SRGAP3: variants seen among roughly 807,000 people sequenced by gnomAD.
SRGAP3 encodes SLIT-ROBO Rho GTPase activating protein 3, also known as SLIT-ROBO Rho GTPase-activating protein 3.
In SRGAP3, 39 loss-of-function variants were observed where a neutral mutation model predicts 121.1. That is an observed-to-expected ratio of 0.32 (90% CI 0.25 to 0.42). The LOEUF is 0.42. Among genes scored for constraint, SRGAP3 ranks in the 10% least tolerant of loss-of-function variants. The pLI, the probability that SRGAP3 is intolerant of heterozygous loss-of-function variation, is 1.00. For synonymous variants in SRGAP3, 601 were observed against 570.0 expected (o/e 1.05, Z -0.77); for missense variants, 1,213 against 1,470.6 (o/e 0.82, Z 2.86).
intron 10 of SRGAP3, among the ~76,000 whole-genome samples, chr3:9,041,958 G>A (rs1945031501): frequency 1.3e-5 from 2 of 151,994 alleles, no homozygotes; most frequent in Non-Finnish European, 2.9e-5. Flanking sequence ...AAAATCAGCT[G>A]GGCGTGGTGG....
In SRGAP3 at chr3:9,107,481, T is replaced by C. The variant is rs575435439; in HGVS notation, c.261-2639A>G. ...GGGCCTGGACGCTTTTCCCTCTGCC[T>C]GGAATACCACAGTCCCTGCTCTTCT... is the stretch of plus-strand genomic sequence containing the variant. On this transcript the variant is annotated intron_variant, in intron 2 of 21. Transcript: ENST00000383836. 2.0e-4 allele frequency among the ~76,000 whole-genome samples: 31 copies of C among 152,340 alleles called. No individual in the cohort carries two copies. In the South Asian group the frequency reaches 5.2e-3, roughly 25 times the overall value.
intron 3 of SRGAP3, chr3:9,292,591 A>C (rs559058583): frequency 2.8e-4 from 43 of 152,280 alleles, no homozygotes; most frequent in African/African-American, 1.0e-3. Context: ...AGTAATAATT[A>C]ATTCATTTTC....
intron 9 of SRGAP3, among the ~76,000 whole-genome samples, chr3:9,048,826 C>T (rs1945413870): frequency 1.3e-5 from 2 of 151,748 alleles, no homozygotes; most frequent in South Asian, 2.1e-4. Flanking sequence ...CCTATCTCCA[C>T]AAAAAAATAA....
intron 1 of SRGAP3, 169 bp from the exon 2 acceptor site, chr3:9,125,086 A>C: frequency 1.3e-6 from 1 of 743,362 alleles, no homozygotes; most frequent in Non-Finnish European, 2.2e-6. Context: ...GAGCATTGGC[A>C]CAAAGATTTC....
intron 2 of SRGAP3, among the ~76,000 whole-genome samples, chr3:9,113,559 G>A (rs1948704620): frequency 6.6e-6 from 1 of 152,150 alleles, no homozygotes; most frequent in South Asian, 2.1e-4. Flanking sequence ...CTGGAGTTTA[G>A]GACATCAGCA....
intron 1 of SRGAP3, among the ~76,000 whole-genome samples, chr3:9,134,007 A>C (rs1949553278): frequency 6.6e-6 from 1 of 152,214 alleles, no homozygotes; most frequent in African/African-American, 2.4e-5. Context: ...ATTTTTCATC[A>C]TAAAAAAGGG....
chr3:9,199,365 G>A (rs1052946471), intron 1 of SRGAP3, among the ~76,000 whole-genome samples: 4 of 152,100 alleles, frequency 2.6e-5, no homozygotes, highest in Non-Finnish European at 2.9e-5. Flanking sequence ...TTGTTTTCCC[G>A]TTTTTCAATC....
At chr3:9,056,157 G>A (rs532230259) in intron 8 of SRGAP3, 76 bp downstream of exon 8, 61 of 1,351,884 alleles carry the variant, frequency 4.5e-5, no homozygotes, top group East Asian at 2.3e-4. Flanking sequence ...TATGCACTTC[G>A]TGGCACAAGT....
chr3:9,025,428 T>G (rs1252016271), intron 13 of SRGAP3, 90 bp from the exon 14 acceptor site: 2 of 1,335,092 alleles, frequency 1.5e-6, no homozygotes, highest in East Asian at 4.6e-5. Flanking sequence ...CTCTCCCCAT[T>G]GCTTGTCTCT....
intron 18 of SRGAP3, among the ~76,000 whole-genome samples, chr3:8,996,821 A>AG (rs1477382184): frequency 6.6e-6 from 1 of 152,204 alleles, no homozygotes; most frequent in South Asian, 2.1e-4. Flanking sequence ...GGGTTCGCCC[A>AG]GGGACTTCCT....
chr3:8,980,786 T>C lies in SRGAP3; in HGVS notation c.*4733A>G, dbSNP rs1481478870. ...ACAGGCAACCAGCAATTTCCTAGGG[T>C]GGTTTTGGTCTGTTTTTCCTGTCAC... On this transcript the variant is annotated 3_prime_UTR_variant, in exon 22 of 22. Transcript: ENST00000383836. The C allele has an allele frequency of 4.3e-6, 1 of 232,840 alleles. No homozygotes were observed. 14.4% of individuals were successfully genotyped at this position (232,840 alleles called of 1,614,324 possible).
At chr3:9,233,000 C>T (rs1953271355) in intron 1 of SRGAP3, among the ~76,000 whole-genome samples, 1 of 152,252 alleles carries the variant, frequency 6.6e-6, no homozygotes, top group African/African-American at 2.4e-5. Context: ...TCCTTCCCAA[C>T]CAGGTGCACT....
At chr3:9,024,740 A>C (rs1944103449) in intron 14 of SRGAP3, among the ~76,000 whole-genome samples, 1 of 152,234 alleles carries the variant, frequency 6.6e-6, no homozygotes, top group Admixed American at 6.5e-5. Context: ...TGCCAAAAAC[A>C]CTGCATAAAA....
At chr3:9,285,849 T>A (rs1289990831) in intron 3 of SRGAP3, among the ~76,000 whole-genome samples, 1 of 151,876 alleles carries the variant, frequency 6.6e-6, no homozygotes, top group Admixed American at 6.6e-5. Context: ...AGCTCACTCC[T>A]GTAATCCCAG....
At chr3:9,293,512 T>A (rs1293979251) in intron 3 of SRGAP3, among the ~76,000 whole-genome samples, 1 of 152,152 alleles carries the variant, frequency 6.6e-6, no homozygotes, top group Non-Finnish European at 1.5e-5. Flanking sequence ...ACTAAAGACC[T>A]TCTGCACAAC....
chr3:9,356,937 CTAATATTTG>C (rs1192225448), intron 1 of SRGAP3, among the ~76,000 whole-genome samples: 1 of 152,150 alleles, frequency 6.6e-6, no homozygotes, highest in East Asian at 1.9e-4. Flanking sequence ...TAGTTTGTCT[CTAATATTTG>C]TAATTTGTAT....
At chr3:9,301,353 C>T (rs1955050666) in intron 3 of SRGAP3, among the ~76,000 whole-genome samples, 1 of 152,256 alleles carries the variant, frequency 6.6e-6, no homozygotes, top group Non-Finnish European at 1.5e-5. Context: ...GGTCCCCCGC[C>T]TGCCCAGATG....
At chr3:9,085,516 T>C (rs1449207001) in intron 3 of SRGAP3, among the ~76,000 whole-genome samples, 2 of 152,222 alleles carry the variant, frequency 1.3e-5, no homozygotes, top group Admixed American at 6.5e-5. Context: ...TGCATGTGTA[T>C]GTTCATTGCA....
chr3:8,985,582 CG>C lies in SRGAP3; in HGVS notation c.3236del (p.Pro1079ArgfsTer3), dbSNP rs1394355200. 1.9e-6 allele frequency: 3 copies of C among 1,565,192 alleles called. No homozygotes were observed. The African/African-American group carries it at 4.4e-5, about 23-fold the overall frequency. Reference sequence around the variant, plus strand: ...ACATCTTCTCGGTGGGCGTCACGGCCGGGCTGCCCACGCCCGAGCTGCTGCT... The same window carrying C: ...ACATCTTCTCGGTGGGCGTCACGGCCGGCTGCCCACGCCCGAGCTGCTGCT... ...SSSSSSGVGSPAVTPTEKMFP... is the reference protein window; with the variant it reads ...SSSSSSGVGSXAVTPTEKMFP... On this transcript the variant is annotated frameshift_variant, in exon 22 of 22. Coordinates refer to ENST00000383836, the MANE Select transcript of SRGAP3 (RefSeq NM_014850.4). LOFTEE classifies it high-confidence loss of function. The surrounding 1 kb of genome is among the most constrained non-coding windows in gnomAD (Gnocchi z 5.1).
Sources: allele counts gnomAD v4.1 joint callset (sites outside exome capture counted in the v4.1 genomes callset), GRCh38; gene constraint gnomAD v4.1.1; non-coding constraint Gnocchi (gnomAD v3.1); transcripts MANE v1.5; gene names NCBI Gene and HGNC (gene_info 2026-07-23, HGNC 2026-07-21).